CCDC148: variants seen among roughly 807,000 people sequenced by gnomAD.
CCDC148 encodes coiled-coil domain containing 148.
In CCDC148, 89 loss-of-function variants were observed where a neutral mutation model predicts 85.7. That is an observed-to-expected ratio of 1.04 (90% CI 0.87 to 1.24). CCDC148 has a LOEUF of 1.24. CCDC148 is among the 50% of genes most tolerant of loss of function. The probability of loss-of-function intolerance (pLI) is 0.00; values close to 1 mark genes in which losing one functional copy is unlikely to be tolerated. For synonymous variants in CCDC148, 230 were observed against 213.9 expected (o/e 1.08, Z -0.66); for missense variants, 692 against 671.7 (o/e 1.03, Z -0.33).
chr2:158,299,162 G>A (rs1691330258), intron 9 of CCDC148, among the ~76,000 whole-genome samples: 1 of 152,126 alleles, frequency 6.6e-6, no homozygotes, highest in Admixed American at 6.6e-5. Flanking sequence ...TGTCTAGAGA[G>A]TTCACCAAGA....
chr2:158,219,374 C>T (rs1252418996), intron 11 of CCDC148, among the ~76,000 whole-genome samples: 7 of 152,206 alleles, frequency 4.6e-5, no homozygotes, highest in African/African-American at 1.4e-4. Flanking sequence ...ATCCACCCTT[C>T]ATTGTCTGCT....
intron 2 of CCDC148, among the ~76,000 whole-genome samples, chr2:158,354,864 A>T (rs1271419470): frequency 6.6e-6 from 1 of 151,592 alleles, no homozygotes; most frequent in Admixed American, 6.6e-5. Context: ...GCAGCACATC[A>T]AAAAGCTTAT....
In CCDC148 at chr2:158,455,438, A is replaced by G. The variant is rs144065831; in HGVS notation, c.25+977T>C. Among the ~76,000 whole-genome samples the G allele has an allele frequency of 3.0e-3, 458 of 152,222 alleles. 1 individual carries two copies. The highest frequency in any genetic ancestry group is 6.3e-3 in the Admixed American group (96 of 15,308). On this transcript the variant is annotated intron_variant, in intron 1 of 13. Coordinates refer to ENST00000283233, the MANE Select transcript of CCDC148 (RefSeq NM_138803.4). The stretch of plus-strand genomic sequence containing the variant: ...ACCATATTAACATTTCTTAGGTTAC[A>G]TCTTTGTAATCTTCAATTATAGTAA...
chr2:158,254,313 A>T (rs1440099904), intron 9 of CCDC148, among the ~76,000 whole-genome samples: 1 of 151,654 alleles, frequency 6.6e-6, no homozygotes, highest in East Asian at 1.9e-4. Context: ...TAGTATGGTT[A>T]TGTTCTATAA....
chr2:158,399,023 T>C (rs1239255515), intron 1 of CCDC148, among the ~76,000 whole-genome samples: 2 of 152,138 alleles, frequency 1.3e-5, no homozygotes, highest in African/African-American at 2.4e-5. Flanking sequence ...CTAGAAAATC[T>C]AGAAGAAATG....
intron 7 of CCDC148, among the ~76,000 whole-genome samples, chr2:158,324,107 G>C (rs1284632094): frequency 1.3e-5 from 2 of 151,404 alleles, no homozygotes; most frequent in Non-Finnish European, 2.9e-5. Flanking sequence ...TAGTAGAGAC[G>C]GGGTTTCACC....
intron 2 of CCDC148, among the ~76,000 whole-genome samples, chr2:158,353,623 T>C (rs1559092891): frequency 6.6e-6 from 1 of 151,964 alleles, no homozygotes. Context: ...CACACATTAA[T>C]AATGGGAGAC....
At chr2:158,406,677 C>T (rs1191024259) in intron 1 of CCDC148, among the ~76,000 whole-genome samples, 1 of 134,858 alleles carries the variant, frequency 7.4e-6, no homozygotes, top group Non-Finnish European at 1.5e-5. Flanking sequence ...GGCTGGAGTA[C>T]AGTGGCATGA....
At chr2:158,452,411 T>C (rs1321645047) in intron 1 of CCDC148, among the ~76,000 whole-genome samples, 1 of 152,214 alleles carries the variant, frequency 6.6e-6, no homozygotes, top group African/African-American at 2.4e-5. Flanking sequence ...GACAACTTTA[T>C]AAATGGAAAT....
intron 11 of CCDC148, among the ~76,000 whole-genome samples, chr2:158,200,495 T>C (rs555452456): frequency 1.3e-5 from 2 of 152,340 alleles, no homozygotes; most frequent in South Asian, 2.1e-4. Context: ...TTTGCTTACA[T>C]ATTGACAGAG....
intron 1 of CCDC148, among the ~76,000 whole-genome samples, chr2:158,424,540 G>C (rs1372647887): frequency 6.6e-6 from 1 of 151,992 alleles, no homozygotes; most frequent in Non-Finnish European, 1.5e-5. Flanking sequence ...ACACAGGGTG[G>C]GGAATATCAC....
rs762722765 is a variant in CCDC148 at position 158,220,700 on chromosome 2, C to A, written c.1265G>T (p.Trp422Leu). The A allele has an allele frequency of 6.3e-7, 1 of 1,578,578 alleles. No homozygotes were observed. Among genetic ancestry groups the A allele is most frequent in the African/African-American group, 1.4e-5 (1 of 72,032 alleles). ...TTGCCACTTCTGTTTTTTCTTGGCCCAGTATTTTTTTATCTATTGTATAAA... is the reference window on the plus strand; with the variant it reads ...TTGCCACTTCTGTTTTTTCTTGGCCAAGTATTTTTTTATCTATTGTATAAA... ...AEKKKKIKKY[W>L]AKKKQKWQEM... The change falls in exon 11 of 14, where the codon TGG becomes TTG. Residue 422 changes from tryptophan to leucine, a missense_variant. Transcript: ENST00000283233.
intron 9 of CCDC148, among the ~76,000 whole-genome samples, chr2:158,282,761 A>G (rs1160588068): frequency 6.6e-6 from 1 of 152,216 alleles, no homozygotes. Context: ...CTTTCTTCAC[A>G]GAATTGGAAA....
intron 9 of CCDC148, among the ~76,000 whole-genome samples, chr2:158,254,411 G>T (rs1001008371): frequency 6.6e-6 from 1 of 151,532 alleles, no homozygotes; most frequent in Non-Finnish European, 1.5e-5. Context: ...TTATTTCAAG[G>T]GGCAGGAGGG....
At chr2:158,234,061 A>G (rs976823567) in intron 10 of CCDC148, among the ~76,000 whole-genome samples, 2 of 152,058 alleles carry the variant, frequency 1.3e-5, no homozygotes. Context: ...CTAATATCCC[A>G]GATACTTGGG....
intron 9 of CCDC148, among the ~76,000 whole-genome samples, chr2:158,281,786 C>A (rs1012051490): frequency 1.3e-5 from 2 of 152,160 alleles, no homozygotes; most frequent in Admixed American, 6.5e-5. Context: ...ATGAGGCCAG[C>A]ATCATCCTGA....
At chr2:158,201,805 T>C (rs368512887) in intron 11 of CCDC148, among the ~76,000 whole-genome samples, 1 of 152,178 alleles carries the variant, frequency 6.6e-6, no homozygotes, top group South Asian at 2.1e-4. Context: ...ATTATGACAA[T>C]TGGGGAAATT....
intron 11 of CCDC148, among the ~76,000 whole-genome samples, chr2:158,184,536 G>A (rs970620029): frequency 6.6e-6 from 1 of 152,060 alleles, no homozygotes; most frequent in African/African-American, 2.4e-5. Flanking sequence ...TCACAAAATT[G>A]TTCTTAATAG....
chr2:158,415,911 C>T (rs1686479586), intron 1 of CCDC148, among the ~76,000 whole-genome samples: 1 of 152,186 alleles, frequency 6.6e-6, no homozygotes, highest in Non-Finnish European at 1.5e-5. Context: ...TCCACATTTC[C>T]CCTCTACACT....
Sources: gnomAD v4.1 joint callset for allele counts (sites outside exome capture counted in the v4.1 genomes callset) on GRCh38, gnomAD v4.1.1 for gene constraint, MANE v1.5 for transcripts, NCBI Gene and HGNC (gene_info 2026-07-23, HGNC 2026-07-21) for gene names.